Variants in ADGRF5 observed in about 807,000 individuals in gnomAD.
ADGRF5 encodes the protein G-protein coupled receptor 116.
Under a neutral mutation model 132.3 loss-of-function variants are expected in ADGRF5, and 75 were observed. The observed-to-expected ratio is 0.57, with a 90% CI of 0.47 to 0.69. ADGRF5 has a LOEUF of 0.69. Among genes scored for constraint, ADGRF5 ranks in the 30% least tolerant of loss-of-function variants. The pLI is 0.00. For missense variants in ADGRF5, 1,516 were observed against 1,630.6 expected, an observed-to-expected ratio of 0.93 and a Z score of 1.21; for synonymous variants, 629 against 597.6, an observed-to-expected ratio of 1.05 and a Z score of -0.77.
chr6:46,898,760 C>T (rs1307342626), intron 3 of ADGRF5, among the ~76,000 whole-genome samples: 1 of 152,168 alleles, frequency 6.6e-6, no homozygotes, highest in Non-Finnish European at 1.5e-5. Flanking sequence ...CCTACTGTCT[C>T]TTTTAGACTC....
Position 46,878,192 on chromosome 6 carries a change from A to G in ADGRF5, c.1240+10T>C. ...ACCTATTTGCAAAAGGGCTTATCTA[A>G]CATTCTCACCTGGAATATTTATTTT... On this transcript the variant is annotated intron_variant, in intron 10 of 20. Coordinates refer to ENST00000283296, the MANE Select transcript of ADGRF5 (RefSeq NM_001098518.2). The G allele has an allele frequency of 6.3e-7, 1 of 1,590,350 alleles. No homozygotes were observed. Among genetic ancestry groups the G allele is most frequent in the East Asian group, 2.2e-5 (1 of 44,724 alleles).
chr6:46,953,651 G>GTGTGTA (rs1373212107), intron 1 of ADGRF5, among the ~76,000 whole-genome samples: 12 of 42,186 alleles, frequency 2.8e-4, no homozygotes, highest in African/African-American at 8.4e-4. Flanking sequence ...AGATATATGT[G>GTGTGTA]TATATATATA....
intron 4 of ADGRF5, among the ~76,000 whole-genome samples, chr6:46,885,929 T>A (rs931237198): frequency 3.3e-5 from 5 of 152,172 alleles, no homozygotes; most frequent in African/African-American, 1.2e-4. Context: ...TAATAACTGT[T>A]TGTTATTTTA....
rs572248 is a variant in ADGRF5, at chr6:46,858,978, T to G, written c.2925A>C (p.Val975=). 1 of 1,613,986 alleles carries G rather than the reference T, an allele frequency of 6.2e-7. No individual in the cohort carries two copies. Among genetic ancestry groups the G allele is most frequent in the African/African-American group, 1.3e-5 (1 of 74,922 alleles). ...TGACATTGTCCCCATCACCTTCTTC[T>G]ACATAGCACCCACTGCTGTCCCACC... ...TGGWDSSGCY[V]EEGDGDNVTC... Residue 975 remains valine (V), a synonymous_variant, in exon 17 of 21, where the codon GTA becomes GTC. Coordinates refer to ENST00000283296, the MANE Select transcript of ADGRF5 (RefSeq NM_001098518.2).
chr6:46,873,725 C>T (rs1426577964), intron 10 of ADGRF5, among the ~76,000 whole-genome samples: 1 of 152,176 alleles, frequency 6.6e-6, no homozygotes, highest in African/African-American at 2.4e-5. Flanking sequence ...AGCAAATTCC[C>T]AAGTGTTGCT....
intron 2 of ADGRF5, among the ~76,000 whole-genome samples, chr6:46,904,916 A>T (rs1234123): frequency 6.6e-6 from 1 of 151,612 alleles, no homozygotes; most frequent in East Asian, 1.9e-4. Context: ...TACCAAAGAA[A>T]AGTGGGGTCC....
intron 1 of ADGRF5, among the ~76,000 whole-genome samples, chr6:46,946,117 G>A (rs1303597896): frequency 1.3e-5 from 2 of 152,192 alleles, no homozygotes; most frequent in Admixed American, 6.5e-5. Flanking sequence ...AACCACAGTA[G>A]GGAGAAAGAA....
intron 2 of ADGRF5, among the ~76,000 whole-genome samples, chr6:46,905,733 C>T (rs1234121): frequency 0.37 from 55,331 of 149,498 alleles, 12,273 homozygotes; most frequent in Non-Finnish European, 0.48. Flanking sequence ...TACCAATGAA[C>T]CTCTAACAAC....
intron 19 of ADGRF5, 152 bp from the exon 20 acceptor site, chr6:46,856,210 T>C: frequency 1.7e-6 from 1 of 591,134 alleles, no homozygotes. Context: ...ACTGGAATCT[T>C]ATCATCTGTA....
chr6:46,922,534 G>T (rs1777029198), upstream of ADGRF5, among the ~76,000 whole-genome samples: 1 of 152,218 alleles, frequency 6.6e-6, no homozygotes, highest in South Asian at 2.1e-4. Context: ...TAAAGGCCTG[G>T]TTGGCAGGCT....
chr6:46,930,957 G>A (rs758944776), intron 1 of ADGRF5, among the ~76,000 whole-genome samples: 4 of 152,166 alleles, frequency 2.6e-5, no homozygotes, highest in Non-Finnish European at 4.4e-5. Flanking sequence ...GGGAGGCTGA[G>A]GTGGGAGGAT....
chr6:46,892,199 CACACACACACAG>C (rs1234514994), intron 3 of ADGRF5, among the ~76,000 whole-genome samples: 151 of 89,592 alleles, frequency 1.7e-3, no homozygotes, highest in Middle Eastern at 6.3e-3. Flanking sequence ...CACACACACA[CACACACACACAG>C]AAAGAGAGAG....
Position 46,908,224 on chromosome 6 carries a change from A to G in ADGRF5, c.-24-1438T>C, listed in dbSNP as rs901498621. Among the ~76,000 whole-genome samples the G allele has an allele frequency of 6.6e-5, 10 of 152,320 alleles. No homozygotes were observed. The East Asian group carries it at 1.7e-3, about 26-fold the overall frequency. On this transcript the variant is annotated intron_variant, in intron 1 of 20. Transcript: ENST00000283296. ...GGGGAAATGCTTTGCAATTTAGGTTATAGTAGTTGTTTAAGACCAGATGCA... is the reference window on the plus strand; with the variant it reads ...GGGGAAATGCTTTGCAATTTAGGTTGTAGTAGTTGTTTAAGACCAGATGCA...
intron 11 of ADGRF5, chr6:46,869,317 C>T (rs1770798912): frequency 1.4e-6 from 2 of 1,400,438 alleles, no homozygotes; most frequent in Non-Finnish European, 1.9e-6. Flanking sequence ...TCATTTCCAT[C>T]ACATGCCTTA....
In ADGRF5 at chr6:46,884,357, T is replaced by C. The variant is rs1203163288; in HGVS notation, c.329-86A>G. 4 of 1,041,916 alleles carry C rather than the reference T, an allele frequency of 3.8e-6. No homozygotes were observed. The Admixed American group carries it at 8.6e-5, about 22-fold the overall frequency. 64.5% of individuals were successfully genotyped at this position (1,041,916 alleles called of 1,614,324 possible). A position where few individuals can be genotyped will look rare whatever the true frequency, so the allele number is the denominator to read the frequency against. ...TTTATAGCCTGCAGGTATTCATTCT[T>C]GAAGAACATCCGAATCTGACTTTAT... On this transcript the variant is annotated intron_variant, in intron 4 of 20. Transcript: ENST00000283296.
intron 1 of ADGRF5, among the ~76,000 whole-genome samples, chr6:46,935,148 C>A (rs564294450): frequency 1.1e-3 from 164 of 151,834 alleles, no homozygotes; most frequent in Non-Finnish European, 1.9e-3. Flanking sequence ...GGACTACAGG[C>A]GTGTGCCACA....
At chr6:46,863,400 T>C (rs1032233746) in intron 14 of ADGRF5, 4 of 466,234 alleles carry the variant, frequency 8.6e-6, no homozygotes, top group African/African-American at 8.0e-5. Context: ...AAAACACCAG[T>C]GTCTGGGCTA....
intron 1 of ADGRF5, among the ~76,000 whole-genome samples, chr6:46,907,272 G>T (rs1034860643): frequency 1.3e-5 from 2 of 152,010 alleles, no homozygotes; most frequent in African/African-American, 2.4e-5. Context: ...AATGTAAGTT[G>T]TATCTTACAG....
At chr6:46,855,638 T>C (rs1297458627) in intron 20 of ADGRF5, among the ~76,000 whole-genome samples, 5 of 152,214 alleles carry the variant, frequency 3.3e-5, no homozygotes, top group Non-Finnish European at 7.3e-5. Context: ...TTATCTAACA[T>C]AATTTGAGAA....
Sources: allele counts gnomAD v4.1 joint callset (sites outside exome capture counted in the v4.1 genomes callset), GRCh38; gene constraint gnomAD v4.1.1; transcripts MANE v1.5; gene names NCBI Gene and HGNC (gene_info 2026-07-23, HGNC 2026-07-21).